DNAH8: variants seen among roughly 807,000 people sequenced by gnomAD.
DNAH8 encodes axonemal beta dynein heavy chain 8.
In DNAH8, 382 loss-of-function variants were observed where a neutral mutation model predicts 562.1. The observed-to-expected ratio is 0.68, with a 90% CI of 0.63 to 0.74. The LOEUF is 0.74. Among genes scored for constraint, DNAH8 ranks in the 30% least tolerant of loss-of-function variants. The probability of loss-of-function intolerance (pLI) is 0.00; values close to 1 mark genes in which losing one functional copy is unlikely to be tolerated. For missense variants in DNAH8, 5,203 were observed against 5,620.4 expected (o/e 0.93, Z 2.37); for synonymous variants, 1,881 against 1,919.4 (o/e 0.98, Z 0.52).
At chr6:38,891,446 A>G (rs1481543471) in intron 58 of DNAH8, among the ~76,000 whole-genome samples, 4 of 152,236 alleles carry the variant, frequency 2.6e-5, no homozygotes, top group Non-Finnish European at 5.9e-5. Flanking sequence ...GGCCAATTAT[A>G]CACATGTGGG....
At position 38,977,884 on chromosome 6, in the gene DNAH8, C is replaced by G. The variant is rs115111143; in HGVS notation, c.12834+3355C>G. Among the ~76,000 whole-genome samples the G allele has an allele frequency of 1.7e-3, 264 of 152,250 alleles. 2 individuals are homozygous for G. Among genetic ancestry groups the G allele is most frequent in the African/African-American group, 6.0e-3 (249 of 41,548 alleles). On this transcript the variant is annotated intron_variant, in intron 85 of 92. Coordinates refer to ENST00000327475, the MANE Select transcript of DNAH8 (RefSeq NM_001206927.2). ...TGTCTTCTCAGCCAATGCCTGGGCC[C>G]CAGAACAGGACACTTAAGTCAAAAT...
Position 38,911,369 on chromosome 6 carries a change from T to C in DNAH8, c.9741-99T>C, listed in dbSNP as rs1046268722. 6.8e-6 allele frequency: 6 copies of C among 880,008 alleles called. No individual in the cohort carries two copies. The Admixed American group carries it at 7.5e-5, about 11-fold the overall frequency. The allele number at this position is 880,008 out of a possible 1,614,324, so 54.5% of individuals were successfully genotyped here. A position where few individuals can be genotyped will look rare whatever the true frequency, so the allele number is the denominator to read the frequency against. On this transcript the variant is annotated intron_variant, in intron 65 of 92. Coordinates refer to ENST00000327475, the MANE Select transcript of DNAH8 (RefSeq NM_001206927.2). ...CAAGTCCTGTCTTCCTGCTAGTGAA[T>C]CACTCTACATGATCACACTGATTTC...
rs182055213 is a variant in DNAH8, at chr6:38,868,580, C to G, written c.6828+384C>G. ...ACTAGCTTATCTCAGATATATCTCT[C>G]CCAAAACATAAACATCATTTCTATT... On this transcript the variant is annotated intron_variant, in intron 48 of 92. Transcript: ENST00000327475. 9.6e-4 allele frequency among the ~76,000 whole-genome samples: 146 copies of G among 152,316 alleles called. 1 individual carries two copies. The highest frequency in any genetic ancestry group is 3.2e-3 in the African/African-American group (133 of 41,574).
At chr6:38,808,751 T>C (rs1231480275) in intron 24 of DNAH8, among the ~76,000 whole-genome samples, 20 of 152,224 alleles carry the variant, frequency 1.3e-4, no homozygotes, top group Admixed American at 1.2e-3. Context: ...CGTGGAATAC[T>C]ATGCAGCCAT....
At position 38,724,375 on chromosome 6, in the gene DNAH8, ATG is replaced by A. The variant is rs534902298; in HGVS notation, c.525+906_525+907del. 3.8e-3 allele frequency among the ~76,000 whole-genome samples: 575 copies of A among 152,328 alleles called. 4 individuals are homozygous for A. Among genetic ancestry groups the A allele is most frequent in the African/African-American group, 0.013 (537 of 41,570 alleles). On this transcript the variant is annotated intron_variant, in intron 3 of 92. Coordinates refer to ENST00000327475, the MANE Select transcript of DNAH8 (RefSeq NM_001206927.2). ...TTGGCTAAACTTCTAATTCAGAATG[ATG>A]TCAGAAGTTAGAGGCATAGTTGAGT...
In DNAH8 at chr6:38,951,487, C is replaced by T. The variant is rs749024693; in HGVS notation, c.12418C>T (p.Gln4140Ter). The T allele has an allele frequency of 1.9e-6, 3 of 1,614,026 alleles. No homozygotes were observed. Among genetic ancestry groups the T allele is most frequent in the Non-Finnish European group, 2.5e-6 (3 of 1,179,954 alleles). The change falls in exon 82 of 93, where the codon CAA (glutamine) becomes TAA (stop). Residue 4140 changes from glutamine to a stop codon, truncating the protein, a stop_gained. Coordinates refer to ENST00000327475, the MANE Select transcript of DNAH8 (RefSeq NM_001206927.2). LOFTEE classifies it high-confidence loss of function. ...GTCCATGGGATCTGACCCCACCAAT[C>T]AAATTGATGCATTGGCCAAGAAACT... ...FLSMGSDPTN[Q>*]IDALAKKLKL...
chr6:39,029,776 C>T (rs1583597572), intron 92 of DNAH8, among the ~76,000 whole-genome samples: 2 of 152,358 alleles, frequency 1.3e-5, no homozygotes, highest in South Asian at 4.1e-4. Flanking sequence ...CTTCCACCAA[C>T]TCAAACCAGA....
chr6:38,808,941 G>T (rs958406311), intron 24 of DNAH8, among the ~76,000 whole-genome samples: 3 of 146,110 alleles, frequency 2.1e-5, no homozygotes, highest in Non-Finnish European at 2.9e-5. Flanking sequence ...GGCCTGTCAG[G>T]GGGTGTGGGG....
chr6:39,008,815 T>A lies in DNAH8; in HGVS notation c.13216T>A (p.Tyr4406Asn). 1 of 1,590,646 alleles carries A rather than the reference T, an allele frequency of 6.3e-7. No homozygotes were observed. Among genetic ancestry groups the A allele is most frequent in the Non-Finnish European group, 8.6e-7 (1 of 1,160,436 alleles). The change falls in exon 89 of 93, where the codon TAT becomes AAT. Residue 4406 changes from tyrosine (Y) to asparagine (N), a missense_variant and splice_region_variant. By Grantham distance (143) the Tyr-to-Asn change is moderately radical. Around this residue, in one of 6 missense-constraint regions of DNAH8, gnomAD observed 1,399 missense variants for 1,518.4 expected, o/e 0.92. Transcript: ENST00000327475. ...TGAACAGCTCACTCTTTTTACTAGG[T>A]ATCAGAGTAACACTGCTTCTGCTGT... ...FGLHPNADIT[Y>N]QSNTASAVLE...
In DNAH8 at chr6:38,948,340, T is replaced by A. The variant is rs569903559; in HGVS notation, c.12130-1112T>A. ...TTTTTTATTTTAATTTTAATTTTTT[T>A]ATTTTTTTGTTTTTGAGGGGGAGTT... On this transcript the variant is annotated intron_variant, in intron 80 of 92. Transcript: ENST00000327475. 7.9e-5 allele frequency among the ~76,000 whole-genome samples: 12 copies of A among 152,242 alleles called. No individual in the cohort carries two copies. The East Asian group carries it at 1.7e-3, about 22-fold the overall frequency.
chr6:38,919,158 T>A (rs1781516216), intron 70 of DNAH8, among the ~76,000 whole-genome samples: 1 of 152,104 alleles, frequency 6.6e-6, no homozygotes, highest in Non-Finnish European at 1.5e-5. Context: ...TTATGATCCA[T>A]AGTGAAGACA....
intron 5 of DNAH8, among the ~76,000 whole-genome samples, chr6:38,736,115 G>A (rs1764064084): frequency 6.6e-6 from 1 of 151,922 alleles, no homozygotes; most frequent in African/African-American, 2.4e-5. Flanking sequence ...TTCAGCTTGG[G>A]CTACAGAGTG....
intron 30 of DNAH8, among the ~76,000 whole-genome samples, chr6:38,831,327 A>G (rs1305179949): frequency 1.4e-5 from 2 of 147,010 alleles, no homozygotes; most frequent in African/African-American, 5.0e-5. Context: ...TGGGAGGCTG[A>G]GGTGGGAGGA....
intron 92 of DNAH8, among the ~76,000 whole-genome samples, chr6:39,029,018 C>A (rs907694444): frequency 6.6e-6 from 1 of 152,222 alleles, no homozygotes; most frequent in Non-Finnish European, 1.5e-5. Flanking sequence ...CCATCCTCTA[C>A]ATTTACCTAT....
chr6:38,860,943 G>A (rs1445738300), intron 43 of DNAH8, among the ~76,000 whole-genome samples: 1 of 152,146 alleles, frequency 6.6e-6, no homozygotes, highest in Non-Finnish European at 1.5e-5. Context: ...AAGAAGGAAG[G>A]TCCCTTGGAG....
chr6:38,842,533 G>A (rs1774895492), intron 34 of DNAH8, 28 bp downstream of exon 34: 1 of 1,607,436 alleles, frequency 6.2e-7, no homozygotes. Context: ...TTTTTATAAT[G>A]CCTGTCTTCT....
intron 5 of DNAH8, 47 bp from the exon 6 acceptor site, chr6:38,737,020 T>G: frequency 7.4e-7 from 1 of 1,347,210 alleles, no homozygotes. Context: ...TTTCAGTTCT[T>G]TAGTGGGATT....
chr6:38,926,308 A>C lies in DNAH8; in HGVS notation c.11118+98A>C, dbSNP rs1782117973. On this transcript the variant is annotated intron_variant, in intron 74 of 92. Transcript: ENST00000327475. ...CAGTCATAAAGTTGTCATCTCCATG[A>C]CAAATGTTTGCTAATTCACACTCTT... 5.9e-6 allele frequency: 8 copies of C among 1,345,980 alleles called. No homozygotes were observed. The East Asian group carries it at 1.7e-4, about 28-fold the overall frequency. The allele number at this position is 1,345,980 out of a possible 1,614,324, so 83.4% of individuals were successfully genotyped here. A position where few individuals can be genotyped will look rare whatever the true frequency, so the allele number is the denominator to read the frequency against.
At chr6:38,823,065 G>T (rs1157767732) in intron 27 of DNAH8, 31 bp downstream of exon 27, 6 of 1,526,894 alleles carry the variant, frequency 3.9e-6, no homozygotes, top group Non-Finnish European at 5.3e-6. Context: ...ATGTTGTTTG[G>T]GTTTTGTTTG....
Sources: allele counts gnomAD v4.1 joint callset (sites outside exome capture counted in the v4.1 genomes callset), GRCh38; gene constraint gnomAD v4.1.1; regional missense constraint gnomAD v4.1.1; transcripts MANE v1.5; gene names NCBI Gene and HGNC (gene_info 2026-07-23, HGNC 2026-07-21).